PTCHD4: variants seen among roughly 807,000 people sequenced by gnomAD.
PTCHD4 encodes patched domain-containing protein 4.
Under a neutral mutation model 58.1 loss-of-function variants are expected in PTCHD4, and 33 were observed. That is an observed-to-expected ratio of 0.57 (90% CI 0.43 to 0.76). The LOEUF is 0.76. Among genes scored for constraint, PTCHD4 ranks in the 30% least tolerant of loss-of-function variants. The pLI, the probability that PTCHD4 is intolerant of heterozygous loss-of-function variation, is 0.00. For missense variants in PTCHD4, 1,058 were observed against 1,027.1 expected (o/e 1.03, Z -0.41); for synonymous variants, 478 against 409.6 (o/e 1.17, Z -2.02).
At chr6:48,007,936 G>GCACACACACACA (rs10554552) in intron 4 of PTCHD4, among the ~76,000 whole-genome samples, 1 of 150,244 alleles carries the variant, frequency 6.7e-6, no homozygotes, top group African/African-American at 2.4e-5. Context: ...GTGCGCGCGC[G>GCACACACACACA]CACACACACA....
At chr6:47,900,292 T>G (rs1015291830) in intron 4 of PTCHD4, 3 of 152,244 alleles carry the variant, frequency 2.0e-5, no homozygotes, top group African/African-American at 7.2e-5. Flanking sequence ...TACTTGTTAT[T>G]GCCTTACTTC....
chr6:48,012,924 G>A (rs1456776646), intron 3 of PTCHD4, among the ~76,000 whole-genome samples: 1 of 152,096 alleles, frequency 6.6e-6, no homozygotes, highest in Non-Finnish European at 1.5e-5. Context: ...GGATGAAGCT[G>A]ACTTGATTGT....
At chr6:47,946,742 CT>C (rs1349839944) in intron 4 of PTCHD4, among the ~76,000 whole-genome samples, 7 of 151,998 alleles carry the variant, frequency 4.6e-5, no homozygotes, top group Admixed American at 2.0e-4. Flanking sequence ...TTTAATGTTT[CT>C]TTTTTTATTA....
intron 4 of PTCHD4, among the ~76,000 whole-genome samples, chr6:47,929,168 T>A (rs1765726866): frequency 2.0e-5 from 3 of 152,144 alleles, no homozygotes; most frequent in African/African-American, 4.8e-5. Context: ...TTAGAAACAG[T>A]ATAAAATGAA....
intron 3 of PTCHD4, among the ~76,000 whole-genome samples, chr6:48,058,395 G>A (rs1420490639): frequency 1.3e-5 from 2 of 152,216 alleles, no homozygotes; most frequent in African/African-American, 4.8e-5. Context: ...AGATATTACT[G>A]TTTATATGTT....
chr6:47,964,850 G>T (rs1284097237), intron 4 of PTCHD4, among the ~76,000 whole-genome samples: 1 of 152,108 alleles, frequency 6.6e-6, no homozygotes, highest in Non-Finnish European at 1.5e-5. Context: ...CAGCAGTAAA[G>T]TTTAGTTGAA....
chr6:47,974,125 A>G (rs1767610462), intron 4 of PTCHD4, among the ~76,000 whole-genome samples: 1 of 152,208 alleles, frequency 6.6e-6, no homozygotes, highest in Admixed American at 6.5e-5. Flanking sequence ...ACAAATAATG[A>G]GGGATAAGTC....
intron 4 of PTCHD4, chr6:47,902,079 C>G (rs1764727831): frequency 2.5e-6 from 1 of 403,146 alleles, no homozygotes; most frequent in South Asian, 2.1e-5. Context: ...ACATAATAAC[C>G]TGTCTGATTC....
intron 1 of PTCHD4, among the ~76,000 whole-genome samples, chr6:48,078,896 A>G (rs1227088520): frequency 2.0e-5 from 3 of 152,060 alleles, no homozygotes; most frequent in Non-Finnish European, 4.4e-5. Context: ...AGGCGGGCGG[A>G]TCACGAGGTT....
At chr6:48,010,324 G>T (rs1762622137) in intron 3 of PTCHD4, among the ~76,000 whole-genome samples, 3 of 152,286 alleles carry the variant, frequency 2.0e-5, no homozygotes, top group Admixed American at 2.0e-4. Context: ...AGTGGGTAGG[G>T]CAGAAGACAA....
chr6:47,963,718 G>A (rs1767184372), intron 4 of PTCHD4, among the ~76,000 whole-genome samples: 1 of 151,976 alleles, frequency 6.6e-6, no homozygotes, highest in South Asian at 2.1e-4. Flanking sequence ...TTATCTAAAT[G>A]AAATAAACCA....
chr6:48,041,736 T>A (rs966365417), intron 3 of PTCHD4, among the ~76,000 whole-genome samples: 1 of 152,144 alleles, frequency 6.6e-6, no homozygotes, highest in Non-Finnish European at 1.5e-5. Context: ...TTTATTTTTT[T>A]AATTTGATCG....
At position 47,874,867 on chromosome 6, in the gene PTCHD4, G is replaced by A. The variant is rs1010035338; in HGVS notation, c.*3436C>T. Among the ~76,000 whole-genome samples the A allele has an allele frequency of 6.6e-5, 10 of 151,672 alleles. No individual in the cohort carries two copies. The highest frequency in any genetic ancestry group is 2.4e-4 in the African/African-American group (10 of 41,352). On this transcript the variant is annotated 3_prime_UTR_variant, in exon 5 of 5. Transcript: ENST00000339488. ...ATGACTTTCATTAAAAAGAATTAAG[G>A]CTGGTCTAAAGAATCAAATCTCTAA...
At chr6:47,938,257 T>G (rs1766083501) in intron 4 of PTCHD4, among the ~76,000 whole-genome samples, 1 of 152,232 alleles carries the variant, frequency 6.6e-6, no homozygotes. Flanking sequence ...AATCATTGAA[T>G]TTAGCAGTGT....
intron 1 of PTCHD4, among the ~76,000 whole-genome samples, chr6:48,101,224 G>T (rs1765595846): frequency 6.6e-6 from 1 of 152,034 alleles, no homozygotes; most frequent in South Asian, 2.1e-4. Context: ...TTTAAAAATG[G>T]CTGTGGCAAC....
chr6:47,894,271 C>T (rs1764463421), intron 4 of PTCHD4, among the ~76,000 whole-genome samples: 1 of 152,310 alleles, frequency 6.6e-6, no homozygotes, highest in Non-Finnish European at 1.5e-5. Flanking sequence ...TTAGCCTTGG[C>T]CTTATTACAA....
chr6:48,050,887 T>A (rs1764209409), intron 3 of PTCHD4, among the ~76,000 whole-genome samples: 1 of 152,046 alleles, frequency 6.6e-6, no homozygotes, highest in Admixed American at 6.6e-5. Flanking sequence ...GATAACAATA[T>A]CTAGATTTTC....
chr6:48,006,070 C>A (rs901480976), intron 4 of PTCHD4, among the ~76,000 whole-genome samples: 1 of 152,178 alleles, frequency 6.6e-6, no homozygotes, highest in Non-Finnish European at 1.5e-5. Context: ...GTTCTTAGGT[C>A]TTCTGTTGGT....
intron 3 of PTCHD4, among the ~76,000 whole-genome samples, chr6:48,028,366 TAA>T (rs1763322960): frequency 6.6e-6 from 1 of 151,754 alleles, no homozygotes; most frequent in Admixed American, 6.6e-5. Flanking sequence ...TCAAGAATAA[TAA>T]AGAGGAAAAA....
Sources: gnomAD v4.1 joint callset for allele counts (sites outside exome capture counted in the v4.1 genomes callset) on GRCh38, gnomAD v4.1.1 for gene constraint, MANE v1.5 for transcripts, NCBI Gene and HGNC (gene_info 2026-07-23, HGNC 2026-07-21) for gene names.